The following PLXDC2 variants were observed in gnomAD, a reference collection of about 807,000 sequenced individuals.
The protein encoded by PLXDC2 is plexin domain-containing protein 2.
A neutral mutation model predicts 68.9 loss-of-function variants in PLXDC2; 40 were observed. The observed-to-expected ratio is 0.58, with a 90% confidence interval of 0.45 to 0.76. The LOEUF (loss-of-function observed/expected upper bound fraction) is 0.76, where lower values mean the gene tolerates loss of function less well. Among genes scored for constraint, PLXDC2 ranks in the 30% least tolerant of loss-of-function variants. PLXDC2 has a pLI of 0.00. For missense variants in PLXDC2, 644 were observed against 661.9 expected (o/e 0.97, Z 0.30); for synonymous variants, 243 against 234.2 (o/e 1.04, Z -0.34).
intron 2 of PLXDC2, among the ~76,000 whole-genome samples, chr10:20,025,085 A>G (rs988812794): frequency 1.3e-5 from 2 of 152,152 alleles, no homozygotes; most frequent in African/African-American, 4.8e-5. Context: ...TTTTGAATAT[A>G]TACCCAGCAA....
intron 13 of PLXDC2, among the ~76,000 whole-genome samples, chr10:20,254,493 G>T (rs1462355725): frequency 6.6e-6 from 1 of 152,052 alleles, no homozygotes; most frequent in African/African-American, 2.4e-5. Flanking sequence ...TAATAACTGA[G>T]TTTTGCTCTT....
rs1836189566 is a variant in PLXDC2, at chr10:20,288,540, C to T, written c.*8721C>T. Reference sequence around the variant, plus strand: ...GTGACCTCTATTGGAAACCTTTGTTCAAATTCAATAATTCAGAGATGCTAC... The same window carrying T: ...GTGACCTCTATTGGAAACCTTTGTTTAAATTCAATAATTCAGAGATGCTAC... On this transcript the variant is annotated 3_prime_UTR_variant, in exon 14 of 14. Transcript: ENST00000377252. 1 of 152,050 alleles carries T rather than the reference C, an allele frequency of 6.6e-6. No homozygotes were observed. The highest frequency in any genetic ancestry group is 6.5e-5 in the Admixed American group (1 of 15,276). The allele number at this position is 152,050 out of a possible 1,614,324, so 9.4% of individuals were successfully genotyped here. A position where few individuals can be genotyped will look rare whatever the true frequency, so the allele number is the denominator to read the frequency against.
chr10:20,107,599 T>C (rs1833508808), intron 4 of PLXDC2, among the ~76,000 whole-genome samples: 1 of 152,168 alleles, frequency 6.6e-6, no homozygotes, highest in South Asian at 2.1e-4. Flanking sequence ...TTTACTGGCC[T>C]TCATAGACTG....
intron 2 of PLXDC2, among the ~76,000 whole-genome samples, chr10:20,040,980 A>G (rs1835672027): frequency 6.6e-6 from 1 of 152,160 alleles, no homozygotes; most frequent in Admixed American, 6.6e-5. Context: ...TTATTTTTAT[A>G]TTTTCATGGT....
chr10:20,257,658 C>G (rs1192185153), intron 13 of PLXDC2, among the ~76,000 whole-genome samples: 1 of 152,144 alleles, frequency 6.6e-6, no homozygotes, highest in Non-Finnish European at 1.5e-5. Flanking sequence ...AACAAAAGAA[C>G]TACTCATTAA....
intron 1 of PLXDC2, among the ~76,000 whole-genome samples, chr10:19,967,431 C>T (rs1312741657): frequency 1.3e-5 from 2 of 152,072 alleles, no homozygotes; most frequent in Non-Finnish European, 2.9e-5. Context: ...GGCCTCAAAA[C>T]ACAGTATTAT....
intron 1 of PLXDC2, among the ~76,000 whole-genome samples, chr10:19,961,226 C>T (rs1317095030): frequency 1.3e-5 from 2 of 152,174 alleles, no homozygotes; most frequent in Non-Finnish European, 2.9e-5. Context: ...GCTGTGCAAA[C>T]TCATTGTTTT....
chr10:20,143,536 T>C, intron 5 of PLXDC2, 119 bp downstream of exon 5: 1 of 1,256,298 alleles, frequency 8.0e-7, no homozygotes, highest in Admixed American at 2.2e-5. Context: ...TTGATGCAAA[T>C]GGTCTGAGAG....
At chr10:19,889,488 G>A (rs1006126323) in intron 1 of PLXDC2, among the ~76,000 whole-genome samples, 10 of 152,068 alleles carry the variant, frequency 6.6e-5, no homozygotes, top group African/African-American at 1.9e-4. Context: ...CCCTCAAAAT[G>A]TATCCCTGTT....
chr10:20,001,963 C>G lies in PLXDC2; in HGVS notation c.301C>G (p.Gln101Glu). Residue 101 changes from glutamine (Q) to glutamate (E), a missense_variant, in exon 2 of 14, where the codon CAG becomes GAG. Gln to Glu is a conservative substitution (Grantham distance 29, BLOSUM62 2). This residue lies in a region of PLXDC2 where 201 missense variants were observed against 166.9 expected (regional missense o/e 1.20). Coordinates refer to ENST00000377252, the MANE Select transcript of PLXDC2 (RefSeq NM_032812.9). ...SFTDLLLDDG[Q>E]DNNTQIEEDT... The stretch of plus-strand genomic sequence containing the variant: ...CACAGACCTGCTGCTGGATGATGGG[C>G]AGGACAATAACACTCAGATCGAGGT... The G allele has an allele frequency of 6.2e-7, 1 of 1,612,448 alleles. No individual in the cohort carries two copies. The highest frequency in any genetic ancestry group is 8.5e-7 in the Non-Finnish European group (1 of 1,179,890).
In PLXDC2 at chr10:19,820,602, CCGCAG is replaced by C. The variant is rs1836447122; in HGVS notation, c.112+3412_112+3416del. 2.7e-5 allele frequency among the ~76,000 whole-genome samples: 4 copies of C among 150,718 alleles called. No homozygotes were observed. The South Asian group carries it at 6.3e-4, about 24-fold the overall frequency. On this transcript the variant is annotated intron_variant, in intron 1 of 13. Transcript: ENST00000377252. ...TGAGCCGAGATTGCGCCACTGCAGTCCGCAGTCCGGCCTGGGCGACAGAGCGAGAC... is the reference window on the plus strand; with the variant it reads ...TGAGCCGAGATTGCGCCACTGCAGTCTCCGGCCTGGGCGACAGAGCGAGAC...
At chr10:20,150,602 G>C (rs181420913) in intron 6 of PLXDC2, among the ~76,000 whole-genome samples, 1 of 152,110 alleles carries the variant, frequency 6.6e-6, no homozygotes, top group Non-Finnish European at 1.5e-5. Context: ...GCACAGTGAC[G>C]TTTTGCAATG....
intron 7 of PLXDC2, among the ~76,000 whole-genome samples, chr10:20,174,300 C>A (rs1422284529): frequency 7.1e-6 from 1 of 140,710 alleles, no homozygotes; most frequent in Admixed American, 7.4e-5. Context: ...TTTTATTTGT[C>A]TTAAAAACTA....
intron 4 of PLXDC2, among the ~76,000 whole-genome samples, chr10:20,128,717 C>CT (rs1334715701): frequency 2.6e-5 from 4 of 152,136 alleles, no homozygotes; most frequent in Non-Finnish European, 4.4e-5. Flanking sequence ...ATGAGTCTAA[C>CT]TTTTTTGATT....
intron 4 of PLXDC2, among the ~76,000 whole-genome samples, chr10:20,093,254 T>C (rs1432336712): frequency 2.0e-5 from 3 of 152,212 alleles, no homozygotes; most frequent in Non-Finnish European, 4.4e-5. Context: ...TATTTTTGTT[T>C]TCTTTCTCTC....
At chr10:20,272,534 C>G (rs1835953385) in intron 13 of PLXDC2, among the ~76,000 whole-genome samples, 1 of 152,142 alleles carries the variant, frequency 6.6e-6, no homozygotes, top group Non-Finnish European at 1.5e-5. Flanking sequence ...TAAATAAGAT[C>G]TGTGCAAGTG....
At chr10:20,182,884 C>T (rs954508658) in intron 9 of PLXDC2, among the ~76,000 whole-genome samples, 4 of 151,842 alleles carry the variant, frequency 2.6e-5, no homozygotes, top group Admixed American at 6.6e-5. Flanking sequence ...GTGTGATGTT[C>T]CCCTCCCTGT....
intron 3 of PLXDC2, 29 bp from the exon 4 acceptor site, chr10:20,068,141 A>T (rs776396163): frequency 1.3e-6 from 2 of 1,582,502 alleles, no homozygotes; most frequent in Non-Finnish European, 1.7e-6. Flanking sequence ...CACATTATTG[A>T]TTTTTTTCTC....
chr10:20,027,388 G>A (rs926889711), intron 2 of PLXDC2, among the ~76,000 whole-genome samples: 4 of 152,072 alleles, frequency 2.6e-5, no homozygotes, highest in Non-Finnish European at 4.4e-5. Context: ...CTCATTGTGA[G>A]GGTACAGTGT....
Sources: gnomAD v4.1 joint callset for allele counts (sites outside exome capture counted in the v4.1 genomes callset) on GRCh38, gnomAD v4.1.1 for gene constraint, gnomAD v4.1.1 regional missense constraint, MANE v1.5 for transcripts, NCBI Gene and HGNC (gene_info 2026-07-23, HGNC 2026-07-21) for gene names.